The following ARMH4 variants were observed in gnomAD, a reference collection of about 807,000 sequenced individuals.
ARMH4 encodes armadillo-like helical domain-containing protein 4.
ARMH4 carries 49 observed loss-of-function variants against 61.9 expected under a neutral mutation model. The observed-to-expected ratio is 0.79, with a 90% CI of 0.63 to 1.00. The LOEUF is 1.00. Ranked by LOEUF, ARMH4 falls within the 50% of genes least tolerant of loss-of-function variation. The pLI is 0.00. For missense variants in ARMH4, 934 were observed against 930.0 expected, an observed-to-expected ratio of 1.00 and a Z score of -0.06; for synonymous variants, 368 against 341.5, an observed-to-expected ratio of 1.08 and a Z score of -0.85.
chr14:58,143,062 T>C (rs1887617718), intron 1 of ARMH4, among the ~76,000 whole-genome samples: 1 of 152,212 alleles, frequency 6.6e-6, no homozygotes, highest in Non-Finnish European at 1.5e-5. Flanking sequence ...CTACACCTTC[T>C]TGAAAGACTT....
At chr14:58,098,146 C>T (rs1367022516) in intron 4 of ARMH4, among the ~76,000 whole-genome samples, 2 of 152,070 alleles carry the variant, frequency 1.3e-5, no homozygotes, top group Non-Finnish European at 2.9e-5. Flanking sequence ...CTGGAGCCAC[C>T]CAAGAATTGT....
chr14:58,119,731 G>C (rs1160552088), intron 4 of ARMH4, among the ~76,000 whole-genome samples: 1 of 152,196 alleles, frequency 6.6e-6, no homozygotes, highest in Non-Finnish European at 1.5e-5. Context: ...TTATTAGCCT[G>C]AGGCTGAGCA....
At chr14:58,142,200 T>G (rs1394115497) in intron 1 of ARMH4, among the ~76,000 whole-genome samples, 1 of 152,184 alleles carries the variant, frequency 6.6e-6, no homozygotes, top group Non-Finnish European at 1.5e-5. Context: ...TCATACAGTT[T>G]ACATTTTTTT....
At chr14:58,009,828 AG>A (rs1263607025) in intron 6 of ARMH4, among the ~76,000 whole-genome samples, 20,473 of 106,218 alleles carry the variant, frequency 0.19, 2,961 homozygotes, top group Non-Finnish European at 0.23. Flanking sequence ...AAAAAAAAAA[AG>A]AGAGAGAGAG....
chr14:58,115,535 A>G (rs1043329711), intron 4 of ARMH4, among the ~76,000 whole-genome samples: 2 of 152,172 alleles, frequency 1.3e-5, no homozygotes, highest in Non-Finnish European at 2.9e-5. Context: ...AGAACTTAAA[A>G]CAGAACTACC....
intron 6 of ARMH4, among the ~76,000 whole-genome samples, chr14:58,009,827 A>AAG (rs1325956245): frequency 5.1e-4 from 67 of 131,696 alleles, no homozygotes; most frequent in African/African-American, 1.3e-3. Flanking sequence ...AAAAAAAAAA[A>AAG]AGAGAGAGAG....
chr14:58,151,235 A>G (rs1246456715), intron 1 of ARMH4, among the ~76,000 whole-genome samples: 3 of 152,130 alleles, frequency 2.0e-5, no homozygotes, highest in South Asian at 2.1e-4. Context: ...TGAGAACCCA[A>G]ACTCTTAAGG....
At chr14:58,142,030 G>T (rs1056119399) in intron 1 of ARMH4, among the ~76,000 whole-genome samples, 24 of 152,026 alleles carry the variant, frequency 1.6e-4, no homozygotes, top group African/African-American at 4.6e-4. Flanking sequence ...TATTAAAATT[G>T]TTAATTTACC....
chr14:58,047,797 G>A (rs905158301), intron 5 of ARMH4, among the ~76,000 whole-genome samples: 4 of 152,174 alleles, frequency 2.6e-5, no homozygotes, highest in Non-Finnish European at 5.9e-5. Flanking sequence ...ATGGGAGGTT[G>A]CACTGCATAG....
intron 4 of ARMH4, among the ~76,000 whole-genome samples, chr14:58,099,084 A>T (rs1885863817): frequency 6.6e-6 from 1 of 152,180 alleles, no homozygotes; most frequent in Non-Finnish European, 1.5e-5. Context: ...TGAAAACGGG[A>T]TCTAAAAGAT....
intron 5 of ARMH4, among the ~76,000 whole-genome samples, chr14:58,083,814 T>C (rs1331057357): frequency 6.6e-6 from 1 of 152,182 alleles, no homozygotes; most frequent in African/African-American, 2.4e-5. Flanking sequence ...ATCTGTAAAT[T>C]CATTTCAACA....
At position 58,138,133 on chromosome 14, in the gene ARMH4, A is replaced by G; in HGVS notation, c.1226T>C (p.Val409Ala). The change falls in exon 2 of 8, where the codon GTT (valine) becomes GCT (alanine). Residue 409 changes from valine to alanine, a missense_variant. Transcript: ENST00000267485. The stretch of plus-strand genomic sequence containing the variant: ...ACTTTGGAGCAAGTTCACAATGGAA[A>G]CTTTCATGTCTTCCATCAGACTTGT... ...TPTSLMEDMK[V>A]SIVNLLQSTG... 1 of 1,614,188 alleles carries G rather than the reference A, an allele frequency of 6.2e-7. No individual in the cohort carries two copies. Among genetic ancestry groups the G allele is most frequent in the Non-Finnish European group, 8.5e-7 (1 of 1,180,044 alleles).
At chr14:58,039,111 C>T (rs984057884) in intron 5 of ARMH4, among the ~76,000 whole-genome samples, 2 of 152,232 alleles carry the variant, frequency 1.3e-5, no homozygotes, top group Non-Finnish European at 2.9e-5. Flanking sequence ...CTGTGGGACA[C>T]AGGAGTCCTC....
At chr14:58,120,414 G>A (rs1462582207) in intron 4 of ARMH4, among the ~76,000 whole-genome samples, 2 of 151,890 alleles carry the variant, frequency 1.3e-5, no homozygotes, top group South Asian at 2.1e-4. Context: ...GTTTTTCTAG[G>A]ATGGAACTAA....
Position 58,125,760 on chromosome 14 carries a change from G to C in ARMH4, c.1831+5752C>G, listed in dbSNP as rs367980485. ...GCCCCAATTCAGCAGGAAGCAGTTA[G>C]AACGGTCGTCAGCCATCCTCTCCAA... On this transcript the variant is annotated intron_variant, in intron 4 of 7. Transcript: ENST00000267485. Among the ~76,000 whole-genome samples the C allele has an allele frequency of 9.2e-5, 14 of 152,298 alleles. No homozygotes were observed. The East Asian group carries it at 1.3e-3, about 15-fold the overall frequency.
At chr14:58,006,692 T>G (rs899019202) in intron 6 of ARMH4, among the ~76,000 whole-genome samples, 1 of 147,716 alleles carries the variant, frequency 6.8e-6, no homozygotes, top group African/African-American at 2.5e-5. Flanking sequence ...TTCTCACTCA[T>G]AGGTGGGAAC....
intron 4 of ARMH4, chr14:58,101,332 C>T: frequency 6.6e-6 from 1 of 152,610 alleles, no homozygotes; most frequent in Non-Finnish European, 1.5e-5. Flanking sequence ...CACAAAACAA[C>T]ACTTAGATTT....
intron 5 of ARMH4, among the ~76,000 whole-genome samples, chr14:58,029,597 A>G (rs955091897): frequency 3.3e-5 from 5 of 152,196 alleles, no homozygotes; most frequent in African/African-American, 1.2e-4. Context: ...TAAAGGCATG[A>G]AAAAATGCTG....
intron 4 of ARMH4, among the ~76,000 whole-genome samples, chr14:58,107,681 T>C (rs1237215286): frequency 1.3e-5 from 2 of 150,760 alleles, no homozygotes; most frequent in African/African-American, 4.9e-5. Context: ...GGAGAATCGC[T>C]TGAACCCAGT....
Sources: gnomAD v4.1 joint callset for allele counts (sites outside exome capture counted in the v4.1 genomes callset) on GRCh38, gnomAD v4.1.1 for gene constraint, MANE v1.5 for transcripts, NCBI Gene and HGNC (gene_info 2026-07-23, HGNC 2026-07-21) for gene names.